SH3TC2: variants seen among roughly 807,000 people sequenced by gnomAD.
The protein encoded by SH3TC2 is SH3 domain and tetratricopeptide repeats 2, also known as SH3 domain and tetratricopeptide repeat-containing protein 2.
In SH3TC2, 87 loss-of-function variants were observed where a neutral mutation model predicts 124.5. The ratio of observed to expected loss-of-function variants is 0.70; its 90% CI spans 0.59 to 0.84. The LOEUF (loss-of-function observed/expected upper bound fraction) is 0.84, where lower values mean the gene tolerates loss of function less well. SH3TC2 is among the 40% of genes least tolerant of loss of function. SH3TC2 has a pLI of 0.00. For synonymous variants in SH3TC2, 634 were observed against 628.5 expected (o/e 1.01, Z -0.13); for missense variants, 1,536 against 1,566.4 (o/e 0.98, Z 0.33).
intron 1 of SH3TC2, among the ~76,000 whole-genome samples, chr5:149,052,848 A>G (rs1376964269): frequency 6.6e-6 from 1 of 152,224 alleles, no homozygotes; most frequent in Non-Finnish European, 1.5e-5. Flanking sequence ...AAACTTTGAT[A>G]GCAGAAAGTT....
At position 149,027,027 on chromosome 5, in the gene SH3TC2, G is replaced by A. The variant is rs1363984594; in HGVS notation, c.2705C>T (p.Ala902Val). The change falls in exon 11 of 17, where the codon GCT (alanine) becomes GTT (valine). Residue 902 changes from alanine to valine, a missense_variant. Ala to Val is a moderately conservative substitution (Grantham distance 64). This residue lies in a region of SH3TC2 where 1,102 missense variants were observed against 1,098.6 expected (regional missense o/e 1.00). Transcript: ENST00000515425. ...QHPARNYLLQ[A>V]VRLYCELQAS... The stretch of plus-strand genomic sequence containing the variant: ...CTGAAGTTCACAATAGAGTCGTACA[G>A]CCTGCAGGAGATAGTTTCTGGCTGG... 6.2e-7 allele frequency: 1 copy of A among 1,614,160 alleles called. No individual in the cohort carries two copies. Among genetic ancestry groups the A allele is most frequent in the Non-Finnish European group, 8.5e-7 (1 of 1,180,040 alleles).
At chr5:149,005,012 G>A (rs1189819353) in intron 16 of SH3TC2, 110 bp from the exon 17 acceptor site, 7 of 1,322,410 alleles carry the variant, frequency 5.3e-6, no homozygotes, top group Non-Finnish European at 7.5e-6. Context: ...TTGTTTGTTT[G>A]TTTGTTTGCC....
Position 149,000,165 on chromosome 5 carries a change from A to T in SH3TC2, c.*4546T>A, listed in dbSNP as rs1753574504. On this transcript the variant is annotated 3_prime_UTR_variant, in exon 17 of 17. Coordinates refer to ENST00000515425, the MANE Select transcript of SH3TC2 (RefSeq NM_024577.4). ...ATCACAATGCTTCTGATACTGAATCATATTACATAATATATCATTTGCCCC... is the reference window on the plus strand; with the variant it reads ...ATCACAATGCTTCTGATACTGAATCTTATTACATAATATATCATTTGCCCC... Among the ~76,000 whole-genome samples, 1 of 152,212 alleles carries T rather than the reference A, an allele frequency of 6.6e-6. No homozygotes were observed. Among genetic ancestry groups the T allele is most frequent in the South Asian group, 2.1e-4 (1 of 4,832 alleles).
chr5:149,051,645 G>T (rs774645631), intron 2 of SH3TC2, among the ~76,000 whole-genome samples: 1 of 152,072 alleles, frequency 6.6e-6, no homozygotes, highest in Non-Finnish European at 1.5e-5. Flanking sequence ...TTAGGGATCA[G>T]GTCTCACTCT....
In SH3TC2 at chr5:148,988,982, T is replaced by C. The variant is rs921920982; in HGVS notation, c.*15729A>G. Among the ~76,000 whole-genome samples the C allele has an allele frequency of 6.6e-6, 1 of 152,188 alleles. No individual in the cohort carries two copies. Among genetic ancestry groups the C allele is most frequent in the African/African-American group, 2.4e-5 (1 of 41,430 alleles). ...CTTATCTGGTCTAGTTGTGCCCTAC[T>C]GAGCCCAGACATGAAGGAAATAAAA... On this transcript the variant is annotated 3_prime_UTR_variant, in exon 17 of 17. Coordinates refer to ENST00000515425, the MANE Select transcript of SH3TC2 (RefSeq NM_024577.4).
chr5:149,030,627 G>A (rs1173101674), intron 9 of SH3TC2, among the ~76,000 whole-genome samples: 2 of 152,252 alleles, frequency 1.3e-5, no homozygotes, highest in Admixed American at 1.3e-4. Flanking sequence ...TGCTAGGGCA[G>A]GGTGCTTATG....
chr5:148,985,667 C>T lies in SH3TC2; in HGVS notation c.*19044G>A, dbSNP rs565013424. On this transcript the variant is annotated 3_prime_UTR_variant, in exon 17 of 17. Transcript: ENST00000515425. ...CAACTATGAATAAATCCACTCTAAA[C>T]ATTTGTGTATAGGCTTTTGTATACA... Among the ~76,000 whole-genome samples the T allele has an allele frequency of 1.2e-4, 19 of 152,288 alleles. No individual in the cohort carries two copies. The highest frequency in any genetic ancestry group is 4.6e-4 in the African/African-American group (19 of 41,574).
chr5:149,004,993 TTTG>T, intron 16 of SH3TC2, 91 bp from the exon 17 acceptor site: 6 of 1,202,304 alleles, frequency 5.0e-6, no homozygotes, highest in Non-Finnish European at 7.1e-6. Context: ...TCTAGTTTTT[TTTG>T]TTTGTTTGTT....
rs1173269188 is a variant in SH3TC2 at position 148,991,171 on chromosome 5, A to G, written c.*13540T>C. On this transcript the variant is annotated 3_prime_UTR_variant, in exon 17 of 17. Transcript: ENST00000515425. ...AAAGACCAATAACTACACATGGGGT[A>G]GAAATTAACATATGTAGAGGACTTT... Among the ~76,000 whole-genome samples, 1 of 152,234 alleles carries G rather than the reference A, an allele frequency of 6.6e-6. No homozygotes were observed. Among genetic ancestry groups the G allele is most frequent in the East Asian group, 1.9e-4 (1 of 5,204 alleles).
rs1255317939 is a variant in SH3TC2, at chr5:148,988,745, G to T, written c.*15966C>A. Among the ~76,000 whole-genome samples the T allele has an allele frequency of 6.6e-6, 1 of 152,158 alleles. No homozygotes were observed. The highest frequency in any genetic ancestry group is 1.5e-5 in the Non-Finnish European group (1 of 68,034). ...AGAGAACCCAAGCGAGAATTGCCCGGGTGAGCCCAGTCAATCCATCAGACC... is the reference window on the plus strand; with the variant it reads ...AGAGAACCCAAGCGAGAATTGCCCGTGTGAGCCCAGTCAATCCATCAGACC... On this transcript the variant is annotated 3_prime_UTR_variant, in exon 17 of 17. Transcript: ENST00000515425.
chr5:149,012,615 T>C lies in SH3TC2; in HGVS notation c.3173A>G (p.Gln1058Arg). ...LGAGRLHYLM[Q>R]EDELVELCLQ... ...GCACAGCTCCACCAGCTCGTCTTCC[T>C]GCATGAGGTAGTGGAGTCGCCCCGC... The change falls in exon 13 of 17, where the codon CAG becomes CGG. Residue 1058 changes from glutamine (Q) to arginine (R), a missense_variant. Gln to Arg is a conservative substitution (Grantham distance 43). Coordinates refer to ENST00000515425, the MANE Select transcript of SH3TC2 (RefSeq NM_024577.4). 1 of 1,614,144 alleles carries C rather than the reference T, an allele frequency of 6.2e-7. No homozygotes were observed. The highest frequency in any genetic ancestry group is 1.1e-5 in the South Asian group (1 of 91,088).
rs1031059021 is a variant in SH3TC2, at chr5:148,989,412, T to A, written c.*15299A>T. ...CTTTGAGACAAGATTTGAACCTAGG[T>A]CTACCTTAACCAGCATAAATATGGC... On this transcript the variant is annotated 3_prime_UTR_variant, in exon 17 of 17. Transcript: ENST00000515425. Among the ~76,000 whole-genome samples, 1 of 152,232 alleles carries A rather than the reference T, an allele frequency of 6.6e-6. No individual in the cohort carries two copies.
Position 149,031,699 on chromosome 5 carries a change from C to CA in SH3TC2, c.1002-13dup, listed in dbSNP as rs777970427. ...CAGAGTTCCTGCTCCTGCATCGGGG[C>CA]AAAAAACACAGAGACAGATTACTGC... On this transcript the variant is annotated splice_polypyrimidine_tract_variant and intron_variant, in intron 8 of 16. Transcript: ENST00000515425. 6.2e-7 allele frequency: 1 copy of CA among 1,613,694 alleles called. No individual in the cohort carries two copies. Among genetic ancestry groups the CA allele is most frequent in the Admixed American group, 1.7e-5 (1 of 60,028 alleles).
Position 149,001,532 on chromosome 5 carries a change from T to C in SH3TC2, c.*3179A>G, listed in dbSNP as rs1264927270. Reference sequence around the variant, plus strand: ...CAATCACCACTTTACTCTCTGTGGATCATGAAAAAAAGACAGCATCAACAT... The same window carrying C: ...CAATCACCACTTTACTCTCTGTGGACCATGAAAAAAAGACAGCATCAACAT... On this transcript the variant is annotated 3_prime_UTR_variant, in exon 17 of 17. Transcript: ENST00000515425. 6.6e-6 allele frequency: 1 copy of C among 152,118 alleles called. No homozygotes were observed. Among genetic ancestry groups the C allele is most frequent in the East Asian group, 1.9e-4 (1 of 5,190 alleles). The allele number at this position is 152,118 out of a possible 1,614,324, so 9.4% of individuals were successfully genotyped here.
At chr5:149,014,598 T>A (rs542128110) in intron 12 of SH3TC2, among the ~76,000 whole-genome samples, 1 of 152,330 alleles carries the variant, frequency 6.6e-6, no homozygotes, top group East Asian at 1.9e-4. Context: ...AAGCTTTCTC[T>A]TCCTCCCTGC....
intron 8 of SH3TC2, among the ~76,000 whole-genome samples, chr5:149,033,098 T>A (rs1442261422): frequency 3.3e-5 from 5 of 152,214 alleles, no homozygotes; most frequent in Non-Finnish European, 7.3e-5. Flanking sequence ...AAGAAAAGGA[T>A]TCAGAACTGT....
intron 1 of SH3TC2, among the ~76,000 whole-genome samples, chr5:149,060,871 G>A (rs1392249540): frequency 6.6e-6 from 1 of 152,186 alleles, no homozygotes; most frequent in African/African-American, 2.4e-5. Context: ...GAAAACTGAG[G>A]TTCAAAAAAC....
In SH3TC2 at chr5:149,020,961, C is replaced by T. The variant is rs1305853999; in HGVS notation, c.3053+5611G>A. Among the ~76,000 whole-genome samples, 3 of 152,192 alleles carry T rather than the reference C, an allele frequency of 2.0e-5. No homozygotes were observed. In the East Asian group the frequency reaches 5.8e-4, roughly 29 times the overall value. ...AGACCTAAAAGATATTTATAGACTA[C>T]ACCAAACAACAACAGAATACACATT... is the stretch of plus-strand genomic sequence containing the variant. On this transcript the variant is annotated intron_variant, in intron 12 of 16. Coordinates refer to ENST00000515425, the MANE Select transcript of SH3TC2 (RefSeq NM_024577.4).
At chr5:149,033,235 A>G (rs1754227477) in intron 8 of SH3TC2, among the ~76,000 whole-genome samples, 1 of 152,106 alleles carries the variant, frequency 6.6e-6, no homozygotes, top group African/African-American at 2.4e-5. Flanking sequence ...ACAACTTACG[A>G]GAATTTAGAA....
Sources: allele counts gnomAD v4.1 joint callset (sites outside exome capture counted in the v4.1 genomes callset), GRCh38; gene constraint gnomAD v4.1.1; regional missense constraint gnomAD v4.1.1; transcripts MANE v1.5; gene names NCBI Gene and HGNC (gene_info 2026-07-23, HGNC 2026-07-21).